The following UBE2L3 variants were observed in gnomAD, a reference collection of about 807,000 sequenced individuals.
UBE2L3 encodes ubiquitin conjugating enzyme E2 L3, also known as ubiquitin-conjugating enzyme E2 L3.
UBE2L3 carries 1 observed loss-of-function variant against 17.8 expected under a neutral mutation model. The observed-to-expected ratio is 0.06, with a 90% CI of 0.02 to 0.27. UBE2L3 has a LOEUF of 0.27. Among genes scored for constraint, UBE2L3 ranks in the 10% least tolerant of loss-of-function variants. The probability of loss-of-function intolerance (pLI) is 1.00; values close to 1 mark genes in which losing one functional copy is unlikely to be tolerated. For synonymous variants in UBE2L3, 44 were observed against 68.5 expected (o/e 0.64, Z 1.76); for missense variants, 40 against 192.6 (o/e 0.21, Z 4.69).
intron 3 of UBE2L3, 41 bp downstream of exon 3, chr22:21,611,084 G>A (rs1412272270): frequency 1.3e-6 from 2 of 1,541,638 alleles, no homozygotes; most frequent in African/African-American, 2.8e-5. Flanking sequence ...GGGGTCTTTG[G>A]GGGTGCTGCT....
chr22:21,598,875 C>T (rs894417136), intron 2 of UBE2L3, among the ~76,000 whole-genome samples: 8 of 151,318 alleles, frequency 5.3e-5, no homozygotes, highest in African/African-American at 1.9e-4. Context: ...CAGAGTCACT[C>T]TGTCTCCCAG....
intron 1 of UBE2L3, among the ~76,000 whole-genome samples, chr22:21,561,300 G>C (rs1247677839): frequency 2.6e-5 from 4 of 152,304 alleles, no homozygotes; most frequent in African/African-American, 9.6e-5. Flanking sequence ...TCCAGGCTAG[G>C]TGTGGTGGCT....
Position 21,623,506 on chromosome 22 carries a change from C to T in UBE2L3, c.*1837C>T, listed in dbSNP as rs928709685. 6.5e-6 allele frequency: 1 copy of T among 152,810 alleles called. No individual in the cohort carries two copies. Among genetic ancestry groups the T allele is most frequent in the African/African-American group, 2.4e-5 (1 of 41,458 alleles). The allele number at this position is 152,810 out of a possible 1,614,324, so 9.5% of individuals were successfully genotyped here. A position where few individuals can be genotyped will look rare whatever the true frequency, so the allele number is the denominator to read the frequency against. On this transcript the variant is annotated 3_prime_UTR_variant, in exon 4 of 4. Coordinates refer to ENST00000342192, the MANE Select transcript of UBE2L3 (RefSeq NM_003347.4). ...CTATCCAAACAAGCCACCATTTGTT[C>T]TTGTTGCTTCTCTGGATCCAGAAAT...
intron 1 of UBE2L3, among the ~76,000 whole-genome samples, chr22:21,573,898 C>A (rs1444768156): frequency 6.6e-6 from 1 of 152,208 alleles, no homozygotes; most frequent in Non-Finnish European, 1.5e-5. Flanking sequence ...TCCTCCAGAG[C>A]TAGGAGACCT....
chr22:21,588,819 C>A (rs1366838829), intron 1 of UBE2L3, among the ~76,000 whole-genome samples: 1 of 151,876 alleles, frequency 6.6e-6, no homozygotes, highest in East Asian at 1.9e-4. Flanking sequence ...CCTGCCACCA[C>A]GCCCGGCTAA....
At position 21,604,443 on chromosome 22, in the gene UBE2L3, G is replaced by T. The variant is rs925538174; in HGVS notation, c.124-6414G>T. Among the ~76,000 whole-genome samples the T allele has an allele frequency of 5.3e-5, 8 of 152,190 alleles. No individual in the cohort carries two copies. In the South Asian group the frequency reaches 1.4e-3, roughly 28 times the overall value. On this transcript the variant is annotated intron_variant, in intron 2 of 3. Transcript: ENST00000342192. ...TTGAACCCGGGAGGCGGAGGTTGCA[G>T]TGCTGAGATCCCACCATTACACTCC...
chr22:21,578,477 G>A (rs1214390766), intron 1 of UBE2L3, among the ~76,000 whole-genome samples: 1 of 152,118 alleles, frequency 6.6e-6, no homozygotes, highest in East Asian at 1.9e-4. Flanking sequence ...GTCAGGCTTT[G>A]TGTGGTTGAG....
At chr22:21,551,889 AG>A (rs1568962642) in intron 1 of UBE2L3, among the ~76,000 whole-genome samples, 14 of 31,704 alleles carry the variant, frequency 4.4e-4, no homozygotes, top group African/African-American at 2.5e-3. Flanking sequence ...ACACACACAC[AG>A]CTGCAGAAGA....
chr22:21,597,981 T>G (rs894099983), intron 2 of UBE2L3, among the ~76,000 whole-genome samples: 10 of 140,294 alleles, frequency 7.1e-5, no homozygotes, highest in South Asian at 2.3e-4. Flanking sequence ...TTTTTTTTTT[T>G]GTAGAGATGG....
At chr22:21,584,491 A>G (rs1214132785) in intron 1 of UBE2L3, among the ~76,000 whole-genome samples, 1 of 150,434 alleles carries the variant, frequency 6.6e-6, no homozygotes, top group Non-Finnish European at 1.5e-5. Flanking sequence ...TAAATTTTAA[A>G]TTTTAAGTTT....
intron 1 of UBE2L3, among the ~76,000 whole-genome samples, chr22:21,587,339 C>T (rs1928002291): frequency 1.3e-5 from 2 of 152,032 alleles, no homozygotes; most frequent in African/African-American, 2.4e-5. Flanking sequence ...TACAGGCAGG[C>T]GCCACCATGT....
At chr22:21,610,174 T>C (rs765883272) in intron 2 of UBE2L3, among the ~76,000 whole-genome samples, 11 of 152,170 alleles carry the variant, frequency 7.2e-5, no homozygotes, top group Non-Finnish European at 1.5e-4. Flanking sequence ...ACTGTGTCTT[T>C]ATATGATGGA....
At chr22:21,586,403 C>CTA (rs566287294) in intron 1 of UBE2L3, among the ~76,000 whole-genome samples, 148 of 152,004 alleles carry the variant, frequency 9.7e-4, no homozygotes, top group East Asian at 8.3e-3. Flanking sequence ...GTAGCTGAGA[C>CTA]TATATATAGG....
intron 3 of UBE2L3, among the ~76,000 whole-genome samples, chr22:21,616,518 G>A (rs1334429351): frequency 6.6e-6 from 1 of 152,052 alleles, no homozygotes; most frequent in Non-Finnish European, 1.5e-5. Context: ...TGGGCACGGT[G>A]GCGTGCACCT....
At chr22:21,610,475 G>A (rs1448010206) in intron 2 of UBE2L3, among the ~76,000 whole-genome samples, 1 of 152,188 alleles carries the variant, frequency 6.6e-6, no homozygotes, top group Non-Finnish European at 1.5e-5. Context: ...TTCATTGGTG[G>A]TAACAAATTT....
intron 1 of UBE2L3, among the ~76,000 whole-genome samples, chr22:21,575,554 G>T (rs377334922): frequency 6.9e-6 from 1 of 144,366 alleles, no homozygotes; most frequent in Admixed American, 6.9e-5. Context: ...GTGCCACTGC[G>T]CTCCAGCCTG....
chr22:21,602,190 A>C (rs942098117), intron 2 of UBE2L3, among the ~76,000 whole-genome samples: 2 of 152,164 alleles, frequency 1.3e-5, no homozygotes, highest in Non-Finnish European at 2.9e-5. Context: ...AGTCGCCACC[A>C]AGCTAGGCAG....
At chr22:21,615,810 G>C (rs1303297245) in intron 3 of UBE2L3, among the ~76,000 whole-genome samples, 1 of 152,192 alleles carries the variant, frequency 6.6e-6, no homozygotes, top group Non-Finnish European at 1.5e-5. Flanking sequence ...TTGTGTGGTT[G>C]AACAGTGCGA....
intron 1 of UBE2L3, among the ~76,000 whole-genome samples, chr22:21,553,021 T>C (rs1446062865): frequency 3.4e-5 from 1 of 29,342 alleles, no homozygotes; most frequent in Non-Finnish European, 7.3e-5. Context: ...CCACCGCGCA[T>C]GGCCCTTTAT....
Sources: gnomAD v4.1 joint callset for allele counts (sites outside exome capture counted in the v4.1 genomes callset) on GRCh38, gnomAD v4.1.1 for gene constraint, MANE v1.5 for transcripts, NCBI Gene and HGNC (gene_info 2026-07-23, HGNC 2026-07-21) for gene names.